The following ELMOD1 variants were observed in gnomAD, a reference collection of about 807,000 sequenced individuals.
The protein encoded by ELMOD1 is ELMO domain-containing protein 1.
In ELMOD1, 21 loss-of-function variants were observed where a neutral mutation model predicts 46.7. That is an observed-to-expected ratio of 0.45 (90% CI 0.32 to 0.65). ELMOD1 has a LOEUF of 0.65. Among genes scored for constraint, ELMOD1 ranks in the 30% least tolerant of loss-of-function variants. The pLI, the probability that ELMOD1 is intolerant of heterozygous loss-of-function variation, is 0.04. For missense variants in ELMOD1, 348 were observed against 407.8 expected, an observed-to-expected ratio of 0.85 and a Z score of 1.26; for synonymous variants, 122 against 138.2, an observed-to-expected ratio of 0.88 and a Z score of 0.82.
intron 1 of ELMOD1, among the ~76,000 whole-genome samples, chr11:107,595,146 T>C (rs1616927): frequency 0.14 from 18,476 of 128,310 alleles, 1,392 homozygotes; most frequent in African/African-American, 0.27. Context: ...CTTCTGTCAA[T>C]AAATCTGTTT....
At chr11:107,626,197 G>T (rs1367302996) in intron 2 of ELMOD1, among the ~76,000 whole-genome samples, 1 of 151,940 alleles carries the variant, frequency 6.6e-6, no homozygotes, top group Non-Finnish European at 1.5e-5. Context: ...TAAGCTTATT[G>T]GTTTCCTGAT....
chr11:107,649,317 C>T (rs924522440), intron 7 of ELMOD1, among the ~76,000 whole-genome samples: 2 of 151,958 alleles, frequency 1.3e-5, no homozygotes, highest in Non-Finnish European at 2.9e-5. Context: ...CTCTTAAAGA[C>T]ACGAGCAAAA....
intron 10 of ELMOD1, among the ~76,000 whole-genome samples, chr11:107,655,143 T>C (rs1866604322): frequency 1.9e-5 from 2 of 105,988 alleles, no homozygotes; most frequent in South Asian, 5.9e-4. Context: ...TTATTTTAGT[T>C]TCTTTCCTTG....
chr11:107,593,600 G>A (rs1451498048), intron 1 of ELMOD1, among the ~76,000 whole-genome samples: 1 of 152,186 alleles, frequency 6.6e-6, no homozygotes, highest in African/African-American at 2.4e-5. Flanking sequence ...AGCGTTCTCC[G>A]AGTCCTCTGA....
chr11:107,595,064 A>T (rs910435211), intron 1 of ELMOD1, among the ~76,000 whole-genome samples: 2 of 152,180 alleles, frequency 1.3e-5, no homozygotes, highest in Non-Finnish European at 2.9e-5. Context: ...TGTAGAGAAC[A>T]GTTACTCATT....
intron 5 of ELMOD1, among the ~76,000 whole-genome samples, chr11:107,633,776 G>A (rs776461733): frequency 2.6e-5 from 4 of 151,860 alleles, no homozygotes; most frequent in South Asian, 2.1e-4. Flanking sequence ...CTTATATTCC[G>A]TCCATTCTCC....
In ELMOD1 at chr11:107,618,281, A is replaced by C; in HGVS notation, c.17+75A>C. 4.0e-6 allele frequency: 6 copies of C among 1,481,486 alleles called. No individual in the cohort carries two copies. In the South Asian group the frequency reaches 6.1e-5, roughly 15 times the overall value. The allele number at this position is 1,481,486 out of a possible 1,614,324, so 91.8% of individuals were successfully genotyped here. ...CCTCACTGGTTAGGGTAATATTACC[A>C]GTCATCGTTTGTGATCCTGTGACCA... On this transcript the variant is annotated intron_variant, in intron 2 of 11. Transcript: ENST00000265840.
rs189961616 is a variant in ELMOD1 at position 107,664,999 on chromosome 11, T to G, written c.833-26T>G. 2.9e-5 allele frequency: 46 copies of G among 1,588,214 alleles called. No homozygotes were observed. In the Middle Eastern group the frequency reaches 5.1e-4, roughly 17 times the overall value. ...TTAAGGATTTTTTTTTCTCCTGCAT[T>G]CTTATCATTGTATTGTCTCCAACAG... On this transcript the variant is annotated intron_variant, in intron 11 of 11. Coordinates refer to ENST00000265840, the MANE Select transcript of ELMOD1 (RefSeq NM_018712.4).
chr11:107,651,162 A>G (rs1866519653), intron 9 of ELMOD1, among the ~76,000 whole-genome samples: 1 of 152,106 alleles, frequency 6.6e-6, no homozygotes, highest in African/African-American at 2.4e-5. Context: ...CATTTTGAAC[A>G]CTCACCTAAA....
chr11:107,642,400 A>C (rs1181852172), intron 6 of ELMOD1, among the ~76,000 whole-genome samples: 1 of 151,460 alleles, frequency 6.6e-6, no homozygotes, highest in Non-Finnish European at 1.5e-5. Flanking sequence ...ATGGAGTCTC[A>C]CTCTGTCACC....
chr11:107,600,580 C>T (rs1354700377), intron 1 of ELMOD1: 1 of 152,404 alleles, frequency 6.6e-6, no homozygotes, highest in Non-Finnish European at 1.5e-5. Flanking sequence ...ATATCTGACC[C>T]TTAATTATTT....
In ELMOD1 at chr11:107,635,694, G is replaced by C; in HGVS notation, c.349G>C (p.Ala117Pro). ...LQIVGYRNLIADVEKLRREAY... is the reference protein window; with the variant it reads ...LQIVGYRNLIPDVEKLRREAY... The stretch of plus-strand genomic sequence containing the variant: ...AATCGTTGGGTACAGGAACCTTATT[G>C]CAGATGTGGAAAAACTGCGTAGAGA... The change falls in exon 6 of 12, where the codon GCA (alanine) becomes CCA (proline). Residue 117 changes from alanine (A) to proline (P), a missense_variant. By Grantham distance (27) the Ala-to-Pro change is conservative. Coordinates refer to ENST00000265840, the MANE Select transcript of ELMOD1 (RefSeq NM_018712.4). 1 of 1,613,902 alleles carries C rather than the reference G, an allele frequency of 6.2e-7. No individual in the cohort carries two copies. The highest frequency in any genetic ancestry group is 8.5e-7 in the Non-Finnish European group (1 of 1,179,848).
intron 11 of ELMOD1, among the ~76,000 whole-genome samples, chr11:107,663,070 AAACC>A (rs1223923853): frequency 3.3e-5 from 5 of 152,060 alleles, no homozygotes; most frequent in East Asian, 1.9e-4. Flanking sequence ...TCCAAGGAAC[AAACC>A]GTCAGTGTTG....
chr11:107,638,154 C>G (rs1265503030), intron 6 of ELMOD1, among the ~76,000 whole-genome samples: 2 of 152,216 alleles, frequency 1.3e-5, no homozygotes, highest in African/African-American at 4.8e-5. Flanking sequence ...ATTATTCTCA[C>G]TGCAGAAGCC....
intron 11 of ELMOD1, among the ~76,000 whole-genome samples, chr11:107,660,429 C>A (rs1395859555): frequency 6.6e-6 from 1 of 152,160 alleles, no homozygotes; most frequent in Non-Finnish European, 1.5e-5. Flanking sequence ...GAACACACAG[C>A]CCCATTGAAA....
intron 6 of ELMOD1, among the ~76,000 whole-genome samples, chr11:107,638,611 G>A (rs1019452048): frequency 6.6e-6 from 1 of 152,154 alleles, no homozygotes; most frequent in African/African-American, 2.4e-5. Context: ...TTTAAAATGG[G>A]TAATAATACC....
rs183200065 is a variant in ELMOD1 at position 107,604,686 on chromosome 11, C to T, written c.-86+13277C>T. 2.0e-5 allele frequency among the ~76,000 whole-genome samples: 3 copies of T among 152,300 alleles called. No individual in the cohort carries two copies. The East Asian group carries it at 5.8e-4, about 29-fold the overall frequency. On this transcript the variant is annotated intron_variant, in intron 1 of 11. Coordinates refer to ENST00000265840, the MANE Select transcript of ELMOD1 (RefSeq NM_018712.4). ...CCATTGAAAAGAATAAAATAATATT[C>T]ACTCAGCAAACATCTGTCAAGCCAT...
Position 107,666,463 on chromosome 11 carries a change from C to T in ELMOD1, c.*1266C>T, listed in dbSNP as rs1356849447. 6.6e-6 allele frequency: 1 copy of T among 152,624 alleles called. No individual in the cohort carries two copies. The highest frequency in any genetic ancestry group is 1.5e-5 in the Non-Finnish European group (1 of 68,036). 9.5% of individuals were successfully genotyped at this position (152,624 alleles called of 1,614,324 possible). On this transcript the variant is annotated 3_prime_UTR_variant, in exon 12 of 12. Transcript: ENST00000265840. ...CAAGAGAGCAACCTAAGCTAAGTCA[C>T]TCTGCGATATTTCTTGAAAATAACG...
intron 11 of ELMOD1, among the ~76,000 whole-genome samples, chr11:107,657,867 G>A (rs1468188948): frequency 6.6e-6 from 1 of 152,200 alleles, no homozygotes; most frequent in Non-Finnish European, 1.5e-5. Context: ...TCAGAAGGCC[G>A]TGAGAGAGAC....
Sources: allele counts gnomAD v4.1 joint callset (sites outside exome capture counted in the v4.1 genomes callset), GRCh38; gene constraint gnomAD v4.1.1; transcripts MANE v1.5; gene names NCBI Gene and HGNC (gene_info 2026-07-23, HGNC 2026-07-21).